The following PEAK1 variants were observed in gnomAD, a reference collection of about 807,000 sequenced individuals.
PEAK1 encodes the protein inactive tyrosine-protein kinase PEAK1.
A neutral mutation model predicts 124.7 loss-of-function variants in PEAK1; 54 were observed. The observed-to-expected ratio is 0.43, with a 90% CI of 0.35 to 0.54. The LOEUF (loss-of-function observed/expected upper bound fraction) is 0.54. Ranked by LOEUF, PEAK1 falls within the 20% of genes least tolerant of loss-of-function variation. The pLI is 0.01. For synonymous variants in PEAK1, 719 were observed against 760.0 expected (o/e 0.95, Z 0.89); for missense variants, 2,046 against 2,134.5 (o/e 0.96, Z 0.82).
chr15:77,210,745 T>C (rs955148855), intron 6 of PEAK1, among the ~76,000 whole-genome samples: 2 of 152,088 alleles, frequency 1.3e-5, no homozygotes, highest in Non-Finnish European at 2.9e-5. Context: ...CCAGGTATGG[T>C]GACAGGTACC....
intron 6 of PEAK1, among the ~76,000 whole-genome samples, chr15:77,224,230 T>G (rs1216655766): frequency 6.6e-6 from 1 of 152,022 alleles, no homozygotes; most frequent in African/African-American, 2.4e-5. Flanking sequence ...TCTTCTACTT[T>G]ATAACCTTGT....
chr15:77,269,143 A>G (rs1251577338), intron 5 of PEAK1, among the ~76,000 whole-genome samples: 1 of 152,140 alleles, frequency 6.6e-6, no homozygotes, highest in African/African-American at 2.4e-5. Context: ...ATATAGAACG[A>G]TGAATAGAAT....
intron 6 of PEAK1, among the ~76,000 whole-genome samples, chr15:77,203,610 G>A (rs2058478909): frequency 6.6e-6 from 1 of 150,636 alleles, no homozygotes. Flanking sequence ...AGATAGACCA[G>A]AAACAGATCC....
chr15:77,276,092 A>G (rs1225905798), intron 5 of PEAK1, among the ~76,000 whole-genome samples: 2 of 152,128 alleles, frequency 1.3e-5, no homozygotes, highest in African/African-American at 2.4e-5. Context: ...AACAAACAGA[A>G]CTTTGGTGAC....
chr15:77,391,555 G>C (rs1481192226), intron 1 of PEAK1, among the ~76,000 whole-genome samples: 1 of 146,982 alleles, frequency 6.8e-6, no homozygotes, highest in Non-Finnish European at 1.5e-5. Context: ...TATTAAAGAT[G>C]CTGCCAACTT....
At chr15:77,153,123 C>CT (rs377241202) in intron 8 of PEAK1, among the ~76,000 whole-genome samples, 13,291 of 152,118 alleles carry the variant, frequency 0.087, 650 homozygotes, top group Admixed American at 0.1. Flanking sequence ...TGGTCCTGGA[C>CT]TTTTTTTGGT....
At chr15:77,150,851 T>C (rs2152769641) in intron 8 of PEAK1, among the ~76,000 whole-genome samples, 1 of 152,330 alleles carries the variant, frequency 6.6e-6, no homozygotes, top group Middle Eastern at 3.4e-3. Flanking sequence ...CTCATCATTT[T>C]TTATGGCTGC....
At chr15:77,387,299 G>T (rs2070035481) in intron 1 of PEAK1, among the ~76,000 whole-genome samples, 1 of 152,156 alleles carries the variant, frequency 6.6e-6, no homozygotes, top group South Asian at 2.1e-4. Context: ...TCTCTTCAAA[G>T]ACTGGCTGTT....
At chr15:77,380,724 C>A (rs2069406258) in intron 1 of PEAK1, among the ~76,000 whole-genome samples, 1 of 152,104 alleles carries the variant, frequency 6.6e-6, no homozygotes, top group Non-Finnish European at 1.5e-5. Context: ...AGTGATCCAT[C>A]CACCTCAGCC....
At chr15:77,382,152 T>C (rs998766460) in intron 1 of PEAK1, among the ~76,000 whole-genome samples, 1 of 152,140 alleles carries the variant, frequency 6.6e-6, no homozygotes. Flanking sequence ...TCTTTAACTT[T>C]AGTGGGGCAA....
intron 1 of PEAK1, among the ~76,000 whole-genome samples, chr15:77,409,097 A>C (rs2072181620): frequency 6.6e-6 from 1 of 152,114 alleles, no homozygotes; most frequent in Non-Finnish European, 1.5e-5. Flanking sequence ...AAAAATATTT[A>C]AGAGTGGTAC....
At chr15:77,362,028 G>T (rs977242161) in intron 2 of PEAK1, among the ~76,000 whole-genome samples, 1 of 152,148 alleles carries the variant, frequency 6.6e-6, no homozygotes, top group African/African-American at 2.4e-5. Context: ...GTAGTAGGGA[G>T]GGAGGGACAG....
intron 7 of PEAK1, among the ~76,000 whole-genome samples, chr15:77,164,235 A>G (rs1041226219): frequency 3.3e-5 from 5 of 152,174 alleles, no homozygotes; most frequent in African/African-American, 1.2e-4. Flanking sequence ...ATCACTATCT[A>G]GTGTCTCCAA....
intron 9 of PEAK1, among the ~76,000 whole-genome samples, chr15:77,125,098 TC>T (rs550548532): frequency 9.7e-4 from 148 of 152,316 alleles, no homozygotes; most frequent in Admixed American, 2.0e-3. Flanking sequence ...ACAACAAATA[TC>T]ACAATGTTTT....
At chr15:77,150,083 A>G (rs1177623842) in intron 8 of PEAK1, among the ~76,000 whole-genome samples, 2 of 152,196 alleles carry the variant, frequency 1.3e-5, no homozygotes, top group East Asian at 3.8e-4. Flanking sequence ...GGCAACAGGT[A>G]GAGAGAAAGC....
chr15:77,178,677 G>C (rs1478605796), intron 7 of PEAK1, 113 bp downstream of exon 7: 2 of 998,768 alleles, frequency 2.0e-6, no homozygotes, highest in African/African-American at 3.2e-5. Flanking sequence ...GATGGCCACA[G>C]AGTGCTACTT....
At chr15:77,230,434 A>T (rs1207208966) in intron 6 of PEAK1, among the ~76,000 whole-genome samples, 1 of 151,936 alleles carries the variant, frequency 6.6e-6, no homozygotes, top group African/African-American at 2.4e-5. Flanking sequence ...TCCTGACTCA[A>T]GTGATCCACC....
At chr15:77,105,500 C>CA (rs1387766466), downstream of PEAK1, 1 of 152,274 alleles carries the variant, frequency 6.6e-6, no homozygotes, top group Non-Finnish European at 1.5e-5. Flanking sequence ...CCTACCCCCC[C>CA]ACCCAGTGTG....
At position 77,116,560 on chromosome 15, in the gene PEAK1, T is replaced by TA. The variant is rs551183564; in HGVS notation, c.4078-1242dup. Among the ~76,000 whole-genome samples, 625 of 142,826 alleles carry TA rather than the reference T, an allele frequency of 4.4e-3. 1 individual carries two copies. Among genetic ancestry groups the TA allele is most frequent in the Non-Finnish European group, 4.5e-3 (290 of 64,856 alleles). The allele number at this position is 142,826 out of a possible 152,430, so 93.7% of individuals were successfully genotyped here. ...CATTCTGATTTCCATTCAAATAGAT[T>TA]AAAAAAAAAAAAAGATCAAAGACAA... On this transcript the variant is annotated intron_variant, in intron 9 of 9. Coordinates refer to ENST00000682557, the MANE Select transcript of PEAK1 (RefSeq NM_001385026.1).
Sources: gnomAD v4.1 joint callset for allele counts (sites outside exome capture counted in the v4.1 genomes callset) on GRCh38, gnomAD v4.1.1 for gene constraint, MANE v1.5 for transcripts, NCBI Gene and HGNC (gene_info 2026-07-23, HGNC 2026-07-21) for gene names.